IRAK1BP1: variants seen among roughly 807,000 people sequenced by gnomAD.
The protein encoded by IRAK1BP1 is interleukin 1 receptor associated kinase 1 binding protein 1, also known as interleukin-1 receptor-associated kinase 1-binding protein 1.
In IRAK1BP1, 24 loss-of-function variants were observed where a neutral mutation model predicts 28.0. That is an observed-to-expected ratio of 0.86 (90% CI 0.62 to 1.20). The LOEUF (loss-of-function observed/expected upper bound fraction) is 1.20, where lower values mean the gene tolerates loss of function less well. Among genes scored for constraint, IRAK1BP1 ranks in the 50% most tolerant of loss-of-function variants. The pLI, the probability that IRAK1BP1 is intolerant of heterozygous loss-of-function variation, is 0.00. For synonymous variants in IRAK1BP1, 131 were observed against 116.3 expected (o/e 1.13, Z -0.81); for missense variants, 336 against 316.7 (o/e 1.06, Z -0.46).
exon 5 of IRAK1BP1, chr6:78,945,418 A>C: frequency 6.2e-7 from 1 of 1,611,538 alleles, no homozygotes; most frequent in Non-Finnish European, 8.5e-7. Context: ...AATTATTCCT[A>C]GTGCCATGAC....
chr6:78,887,840 A>G (rs903175013), intron 2 of IRAK1BP1, among the ~76,000 whole-genome samples: 14 of 152,318 alleles, frequency 9.2e-5, no homozygotes, highest in Non-Finnish European at 1.8e-4. Flanking sequence ...TGACCCAGCA[A>G]TCCCACTCCT....
intron 4 of IRAK1BP1, chr6:78,937,353 T>C (rs1004529160): frequency 6.6e-6 from 1 of 151,740 alleles, no homozygotes; most frequent in Admixed American, 6.6e-5. Flanking sequence ...TCTGAAAACA[T>C]GTAAATGCTG....
chr6:78,940,835 G>A lies in IRAK1BP1; in HGVS notation c.*68-4573G>A, dbSNP rs778781026. ...AGAGTCATCCTCATTATAGAAAGCT[G>A]TCCTTCGACCTTGATTTCTAGTTCT... On this transcript the variant is annotated intron_variant and NMD_transcript_variant, in intron 4 of 4. Transcript: ENST00000606868. 5 of 1,613,980 alleles carry A rather than the reference G, an allele frequency of 3.1e-6. No homozygotes were observed. The South Asian group carries it at 3.3e-5, about 11-fold the overall frequency.
the IRAK1BP1 span, among the ~76,000 whole-genome samples, chr6:78,973,616 C>T: frequency 1.6e-5 from 2 of 124,380 alleles, no homozygotes; most frequent in African/African-American, 6.4e-5. Context: ...CATCAGTGTG[C>T]TGTATTCAGG....
At chr6:78,913,131 C>T (rs780911016) in intron 4 of IRAK1BP1, among the ~76,000 whole-genome samples, 2 of 151,130 alleles carry the variant, frequency 1.3e-5, no homozygotes, top group African/African-American at 2.4e-5. Flanking sequence ...GTCAGGAGAT[C>T]GAGACCATCC....
chr6:78,960,200 A>G, the IRAK1BP1 span, among the ~76,000 whole-genome samples: 1 of 152,332 alleles, frequency 6.6e-6, no homozygotes, highest in Non-Finnish European at 1.5e-5. Flanking sequence ...AACCATTGTA[A>G]GTCAAACCTT....
the IRAK1BP1 span, chr6:78,958,541 T>C: frequency 6.3e-7 from 1 of 1,583,028 alleles, no homozygotes; most frequent in Admixed American, 1.7e-5. Context: ...TCCAGGCTCA[T>C]TAAATGTTCG....
chr6:78,903,126 A>T (rs553489221), downstream of IRAK1BP1: 1 of 1,283,058 alleles, frequency 7.8e-7, no homozygotes, highest in Non-Finnish European at 1.1e-6. Context: ...TTGGTTCATT[A>T]TAAGAGTGAG....
the IRAK1BP1 span, among the ~76,000 whole-genome samples, chr6:78,966,412 C>G: frequency 2.0e-5 from 3 of 152,264 alleles, no homozygotes; most frequent in South Asian, 2.1e-4. Flanking sequence ...GCAAGTTCCA[C>G]TCAACAATTA....
the IRAK1BP1 span, among the ~76,000 whole-genome samples, chr6:78,951,535 G>A: frequency 0.021 from 3,207 of 152,196 alleles, 104 homozygotes; most frequent in African/African-American, 0.065. Flanking sequence ...TAGATTATCC[G>A]AAGTTTTCTT....
chr6:78,898,203 C>A lies in IRAK1BP1; in HGVS notation c.652C>A (p.His218Asn). 6.2e-7 allele frequency: 1 copy of A among 1,613,536 alleles called. No homozygotes were observed. Among genetic ancestry groups the A allele is most frequent in the Non-Finnish European group, 8.5e-7 (1 of 1,179,836 alleles). ...AGAATGGGAAGGCCAAATAGATGAT[C>A]ACCAGTCATCCAGACTCTCAAGTTC... ...TKEWEGQIDD[H>N]QSSRLSSSLT... Residue 218 changes from histidine to asparagine, a missense_variant, in exon 4 of 4, where the codon CAC becomes AAC. Coordinates refer to ENST00000369940, the MANE Select transcript of IRAK1BP1 (RefSeq NM_001010844.4).
rs1381648790 is a variant in IRAK1BP1 at position 78,899,052 on chromosome 6, G to T, written c.*718G>T. ...TTCCCCTTGTCCCAGGTCCCATGGGGGCAAAATGATATGGCCATATGCAAT... is the reference window on the plus strand; with the variant it reads ...TTCCCCTTGTCCCAGGTCCCATGGGTGCAAAATGATATGGCCATATGCAAT... On this transcript the variant is annotated 3_prime_UTR_variant, in exon 4 of 4. Coordinates refer to ENST00000369940, the MANE Select transcript of IRAK1BP1 (RefSeq NM_001010844.4). The T allele has an allele frequency of 6.6e-6, 1 of 152,124 alleles. No homozygotes were observed. Among genetic ancestry groups the T allele is most frequent in the Non-Finnish European group, 1.5e-5 (1 of 68,044 alleles). 9.4% of individuals were successfully genotyped at this position (152,124 alleles called of 1,614,324 possible).
intron 4 of IRAK1BP1, among the ~76,000 whole-genome samples, chr6:78,912,894 T>C (rs2127662356): frequency 6.6e-6 from 1 of 152,328 alleles, no homozygotes; most frequent in African/African-American, 2.4e-5. Context: ...TTTACACTTA[T>C]ATACAATATC....
At chr6:78,916,737 A>G (rs1334513132) in intron 4 of IRAK1BP1, among the ~76,000 whole-genome samples, 3 of 152,128 alleles carry the variant, frequency 2.0e-5, no homozygotes, top group African/African-American at 7.2e-5. Flanking sequence ...GAGTGGTTAG[A>G]GACAAGCCCA....
At chr6:78,958,162 A>C in the IRAK1BP1 span, 5 of 190,270 alleles carry the variant, frequency 2.6e-5, no homozygotes, top group Non-Finnish European at 3.2e-5. Flanking sequence ...TGTTAAATAA[A>C]TTTTTACTAT....
the IRAK1BP1 span, among the ~76,000 whole-genome samples, chr6:78,959,725 T>C: frequency 1.8e-4 from 28 of 152,292 alleles, no homozygotes; most frequent in African/African-American, 6.5e-4. Context: ...CAAATGTTTT[T>C]TTCCTAAATT....
chr6:78,956,584 T>C, the IRAK1BP1 span: 3 of 152,120 alleles, frequency 2.0e-5, no homozygotes, highest in Admixed American at 6.5e-5. Context: ...CCACCCACGA[T>C]GTGGCCCCAA....
At chr6:78,947,337 T>C (rs1394401750), downstream of IRAK1BP1, among the ~76,000 whole-genome samples, 1 of 152,170 alleles carries the variant, frequency 6.6e-6, no homozygotes, top group Non-Finnish European at 1.5e-5. Context: ...AGGCAGATAA[T>C]AGCTAGAAAA....
chr6:78,946,497 T>C (rs1017830951), downstream of IRAK1BP1: 3 of 1,394,828 alleles, frequency 2.2e-6, no homozygotes, highest in African/African-American at 4.4e-5. Flanking sequence ...AAAAATGCTG[T>C]TTTACTGTAT....
Sources: allele counts gnomAD v4.1 joint callset (sites outside exome capture counted in the v4.1 genomes callset), GRCh38; gene constraint gnomAD v4.1.1; transcripts MANE v1.5; gene names NCBI Gene and HGNC (gene_info 2026-07-23, HGNC 2026-07-21).